The following GATM variants were observed in gnomAD, a reference collection of about 807,000 sequenced individuals.
GATM encodes glycine amidinotransferase.
In GATM, 23 loss-of-function variants were observed where a neutral mutation model predicts 54.2. The observed-to-expected ratio is 0.42, with a 90% CI of 0.31 to 0.60. GATM has a LOEUF of 0.60. GATM is among the 20% of genes least tolerant of loss of function. The pLI, the probability that GATM is intolerant of heterozygous loss-of-function variation, is 0.14. For synonymous variants in GATM, 168 were observed against 183.1 expected (o/e 0.92, Z 0.67); for missense variants, 401 against 544.9 (o/e 0.74, Z 2.63).
intron 1 of GATM, among the ~76,000 whole-genome samples, chr15:45,400,966 CT>C (rs35335867): frequency 6.6e-6 from 1 of 150,842 alleles, no homozygotes; most frequent in Non-Finnish European, 1.5e-5. Context: ...AAAACGATGG[CT>C]TTTTTTTTAT....
intron 3 of GATM, among the ~76,000 whole-genome samples, chr15:45,395,152 T>G (rs1436674328): frequency 6.6e-6 from 1 of 152,226 alleles, no homozygotes; most frequent in African/African-American, 2.4e-5. Context: ...ACCTGAGAAT[T>G]AATATGAATA....
chr15:45,363,316 C>T (rs1310352172), intron 8 of GATM, among the ~76,000 whole-genome samples: 1 of 152,102 alleles, frequency 6.6e-6, no homozygotes, highest in Non-Finnish European at 1.5e-5. Flanking sequence ...AAATCCTTTC[C>T]CTTCAACATT....
intron 4 of GATM, among the ~76,000 whole-genome samples, chr15:45,367,679 G>T (rs1045794358): frequency 2.0e-5 from 3 of 152,298 alleles, no homozygotes; most frequent in East Asian, 3.9e-4. Flanking sequence ...TTTTCTAGAA[G>T]AAGAAAGTGA....
At chr15:45,377,355 T>A (rs184693513) in intron 1 of GATM, 119 of 422,734 alleles carry the variant, frequency 2.8e-4, no homozygotes, top group Admixed American at 1.0e-3. Flanking sequence ...CAAATCAAAT[T>A]TTTTTCATCT....
At chr15:45,395,677 C>T (rs1229899278) in intron 3 of GATM, among the ~76,000 whole-genome samples, 1 of 152,088 alleles carries the variant, frequency 6.6e-6, no homozygotes, top group African/African-American at 2.4e-5. Flanking sequence ...ATGTGAAATA[C>T]ATCTTCCTGG....
chr15:45,402,227 C>A, upstream of GATM: 1 of 671,602 alleles, frequency 1.5e-6, no homozygotes, highest in East Asian at 3.3e-5. Flanking sequence ...TTCACGAAAG[C>A]GGACACCAAC....
At chr15:45,396,451 T>C (rs1889932056) in intron 3 of GATM, among the ~76,000 whole-genome samples, 1 of 152,152 alleles carries the variant, frequency 6.6e-6, no homozygotes, top group Non-Finnish European at 1.5e-5. Flanking sequence ...AATTAGGACA[T>C]TTTCGCAATG....
At chr15:45,390,544 AG>A (rs1334948403) in intron 3 of GATM, among the ~76,000 whole-genome samples, 4 of 152,202 alleles carry the variant, frequency 2.6e-5, no homozygotes, top group Non-Finnish European at 5.9e-5. Flanking sequence ...AGTTGTGTGG[AG>A]AGAAGGTCTA....
intron 2 of GATM, chr15:45,397,299 C>T (rs1889946095): frequency 6.6e-6 from 1 of 151,894 alleles, no homozygotes; most frequent in East Asian, 1.9e-4. Flanking sequence ...CAATTCTTGC[C>T]CGGCTCCTAG....
At chr15:45,378,587 G>A, upstream of GATM, 1 of 596,772 alleles carries the variant, frequency 1.7e-6, no homozygotes, top group South Asian at 2.8e-5. Flanking sequence ...GCCGCGCTCC[G>A]CCCCGGCCGC....
intron 3 of GATM, among the ~76,000 whole-genome samples, chr15:45,394,719 G>A (rs1451060300): frequency 1.3e-5 from 2 of 152,202 alleles, no homozygotes; most frequent in African/African-American, 4.8e-5. Context: ...TTTAGGGTGT[G>A]GGAGGGAAAC....
intron 3 of GATM, among the ~76,000 whole-genome samples, chr15:45,384,536 G>A (rs1351930925): frequency 6.6e-6 from 1 of 152,196 alleles, no homozygotes; most frequent in Non-Finnish European, 1.5e-5. Context: ...AGGGACAGCA[G>A]GAAGGGGAAA....
intron 3 of GATM, among the ~76,000 whole-genome samples, chr15:45,392,844 A>G (rs1889887204): frequency 6.6e-6 from 1 of 152,200 alleles, no homozygotes; most frequent in Non-Finnish European, 1.5e-5. Flanking sequence ...AGATACTTGT[A>G]TTGCTGTTTT....
chr15:45,394,288 T>C (rs1413619112), intron 3 of GATM, among the ~76,000 whole-genome samples: 1 of 152,232 alleles, frequency 6.6e-6, no homozygotes, highest in Non-Finnish European at 1.5e-5. Context: ...GAGAATTTAA[T>C]GCCTATCTGA....
At chr15:45,369,204 A>T in intron 3 of GATM, 122 bp downstream of exon 3, 1 of 760,540 alleles carries the variant, frequency 1.3e-6, no homozygotes, top group Non-Finnish European at 2.2e-6. Flanking sequence ...AAATCTTTAA[A>T]GTTTTCAAGA....
At chr15:45,378,251 C>T (rs1889674849) in intron 1 of GATM, 134 bp downstream of exon 1, 2 of 634,464 alleles carry the variant, frequency 3.2e-6, no homozygotes, top group Admixed American at 5.8e-5. Context: ...CCAGAAGGGA[C>T]ACTCTCGTGC....
chr15:45,389,668 T>C (rs1889845962), intron 3 of GATM, among the ~76,000 whole-genome samples: 1 of 152,138 alleles, frequency 6.6e-6, no homozygotes, highest in Admixed American at 6.5e-5. Flanking sequence ...GACTTCTTGT[T>C]TTTAACTTAA....
chr15:45,363,561 A>G lies in GATM; in HGVS notation c.1159+339T>C, dbSNP rs182551750. The G allele has an allele frequency of 5.7e-5, 23 of 402,102 alleles. No individual in the cohort carries two copies. The Admixed American group carries it at 9.7e-4, about 17-fold the overall frequency. The allele number at this position is 402,102 out of a possible 1,614,324, so 24.9% of individuals were successfully genotyped here. ...ACAGGACACTTTTAAAGGACCCACA[A>G]TGATTTCTTATTTGAAGAAGGGCTG... is the stretch of plus-strand genomic sequence containing the variant. On this transcript the variant is annotated intron_variant, in intron 8 of 8. Transcript: ENST00000396659.
At chr15:45,363,847 C>T in intron 8 of GATM, 53 bp downstream of exon 8, 1 of 1,068,378 alleles carries the variant, frequency 9.4e-7, no homozygotes, top group East Asian at 2.4e-5. Flanking sequence ...TTCTTTAGTT[C>T]TTCTCATTTA....
Sources: allele counts gnomAD v4.1 joint callset (sites outside exome capture counted in the v4.1 genomes callset), GRCh38; gene constraint gnomAD v4.1.1; transcripts MANE v1.5; gene names NCBI Gene and HGNC (gene_info 2026-07-23, HGNC 2026-07-21).